The following HIBADH variants were observed in gnomAD, a reference collection of about 807,000 sequenced individuals.
HIBADH encodes 3-hydroxyisobutyrate dehydrogenase, also known as 3-hydroxyisobutyrate dehydrogenase, mitochondrial.
A neutral mutation model predicts 36.1 loss-of-function variants in HIBADH; 25 were observed. The observed-to-expected ratio is 0.69, with a 90% CI of 0.50 to 0.97. The LOEUF is 0.97. HIBADH is among the 50% of genes least tolerant of loss of function. HIBADH has a pLI of 0.00. For missense variants in HIBADH, 421 were observed against 418.0 expected, an observed-to-expected ratio of 1.01 and a Z score of -0.06; for synonymous variants, 160 against 149.5, an observed-to-expected ratio of 1.07 and a Z score of -0.51.
At chr7:27,596,208 G>A (rs1785029631) in intron 4 of HIBADH, among the ~76,000 whole-genome samples, 1 of 152,158 alleles carries the variant, frequency 6.6e-6, no homozygotes, top group Admixed American at 6.5e-5. Flanking sequence ...TGTGTCCTCT[G>A]GAGGGGAGGC....
chr7:27,636,308 G>A (rs1041864731), intron 2 of HIBADH, among the ~76,000 whole-genome samples: 1 of 152,200 alleles, frequency 6.6e-6, no homozygotes, highest in African/African-American at 2.4e-5. Context: ...ATGTGATCTT[G>A]TTAAACTTGC....
rs1254348821 is a variant in HIBADH, at chr7:27,573,521, C to T, written c.485-30421G>A. On this transcript the variant is annotated intron_variant, in intron 4 of 7. Coordinates refer to ENST00000265395, the MANE Select transcript of HIBADH (RefSeq NM_152740.4). The stretch of plus-strand genomic sequence containing the variant: ...ACCATGACTTATTCTAACAAAGTGG[C>T]TGATATATGCATTATTCTAAAAACA... 2.0e-5 allele frequency among the ~76,000 whole-genome samples: 3 copies of T among 152,264 alleles called. No homozygotes were observed. The South Asian group carries it at 6.2e-4, about 32-fold the overall frequency.
intron 4 of HIBADH, among the ~76,000 whole-genome samples, chr7:27,551,528 T>C (rs1784319910): frequency 6.6e-6 from 1 of 152,184 alleles, no homozygotes; most frequent in African/African-American, 2.4e-5. Context: ...AGAGCTGAAA[T>C]TTGGAATTTA....
intron 3 of HIBADH, among the ~76,000 whole-genome samples, chr7:27,631,759 C>T (rs1785750996): frequency 6.6e-6 from 1 of 152,274 alleles, no homozygotes; most frequent in South Asian, 2.1e-4. Flanking sequence ...TCCTACTGCT[C>T]AAGCAGTACA....
intron 4 of HIBADH, among the ~76,000 whole-genome samples, chr7:27,626,375 A>C (rs145596027): frequency 1.3e-5 from 2 of 152,226 alleles, no homozygotes; most frequent in Non-Finnish European, 2.9e-5. Flanking sequence ...GGTTCTTCAC[A>C]TTGGTTTCAG....
At chr7:27,583,753 A>T (rs1784823342) in intron 4 of HIBADH, among the ~76,000 whole-genome samples, 1 of 152,020 alleles carries the variant, frequency 6.6e-6, no homozygotes, top group South Asian at 2.1e-4. Context: ...TATACTCTTT[A>T]AATATTTTTG....
chr7:27,643,295 A>G (rs988389613), intron 2 of HIBADH, among the ~76,000 whole-genome samples: 3 of 152,330 alleles, frequency 2.0e-5, no homozygotes, highest in Admixed American at 1.3e-4. Flanking sequence ...ACTTTTCTTC[A>G]CAAAAAAGGA....
At chr7:27,542,472 G>A (rs1466209308) in intron 5 of HIBADH, among the ~76,000 whole-genome samples, 2 of 93,492 alleles carry the variant, frequency 2.1e-5, no homozygotes, top group Admixed American at 1.6e-4. Flanking sequence ...TTTGAGATAG[G>A]TTCTTGCTCT....
chr7:27,617,230 C>A (rs1785447366), intron 4 of HIBADH, among the ~76,000 whole-genome samples: 2 of 152,102 alleles, frequency 1.3e-5, no homozygotes, highest in Non-Finnish European at 2.9e-5. Flanking sequence ...CAAATACTTA[C>A]CATTGTGTTA....
At chr7:27,639,877 A>G (rs1785929316) in intron 2 of HIBADH, among the ~76,000 whole-genome samples, 1 of 152,232 alleles carries the variant, frequency 6.6e-6, no homozygotes, top group Admixed American at 6.5e-5. Flanking sequence ...CCTGTAAAAC[A>G]TATTAAACTT....
chr7:27,569,902 G>C (rs1000673850), intron 4 of HIBADH, among the ~76,000 whole-genome samples: 4 of 152,200 alleles, frequency 2.6e-5, no homozygotes, highest in Non-Finnish European at 5.9e-5. Flanking sequence ...CAGAAGAGAG[G>C]ATCATATGGC....
chr7:27,538,189 A>C, intron 6 of HIBADH, 152 bp downstream of exon 6: 2 of 634,224 alleles, frequency 3.2e-6, no homozygotes, highest in South Asian at 4.0e-5. Context: ...TTGTCCAATA[A>C]GCAAAGTCTA....
intron 2 of HIBADH, among the ~76,000 whole-genome samples, chr7:27,643,890 CTG>C (rs1217942477): frequency 6.6e-6 from 1 of 152,188 alleles, no homozygotes; most frequent in African/African-American, 2.4e-5. Context: ...CTCTGTGTCT[CTG>C]TGTCTTCTTT....
At chr7:27,569,098 T>TC (rs1285140393) in intron 4 of HIBADH, among the ~76,000 whole-genome samples, 1 of 152,124 alleles carries the variant, frequency 6.6e-6, no homozygotes, top group Non-Finnish European at 1.5e-5. Flanking sequence ...ATCCACTGAC[T>TC]CTTTTCTTTG....
At chr7:27,573,952 A>C (rs1013258246) in intron 4 of HIBADH, among the ~76,000 whole-genome samples, 4 of 152,196 alleles carry the variant, frequency 2.6e-5, no homozygotes, top group African/African-American at 9.6e-5. Context: ...CTACTAAAAA[A>C]TTTTAAATTA....
intron 2 of HIBADH, among the ~76,000 whole-genome samples, chr7:27,646,210 CA>C (rs1254827503): frequency 6.6e-6 from 1 of 152,174 alleles, no homozygotes; most frequent in Non-Finnish European, 1.5e-5. Flanking sequence ...GACCAATGAT[CA>C]GTGGCTTGAC....
intron 1 of HIBADH, among the ~76,000 whole-genome samples, chr7:27,655,378 G>A (rs1258079800): frequency 2.0e-5 from 3 of 152,160 alleles, no homozygotes; most frequent in Non-Finnish European, 4.4e-5. Context: ...GGGTTAAAGT[G>A]TCATGTCAGC....
chr7:27,605,717 A>G (rs1785212893), intron 4 of HIBADH, among the ~76,000 whole-genome samples: 1 of 152,018 alleles, frequency 6.6e-6, no homozygotes, highest in Non-Finnish European at 1.5e-5. Flanking sequence ...CTAAAAACAA[A>G]TATTTAGAGT....
intron 4 of HIBADH, among the ~76,000 whole-genome samples, chr7:27,628,988 G>GCTT (rs1314038752): frequency 6.6e-6 from 1 of 151,990 alleles, no homozygotes; most frequent in Non-Finnish European, 1.5e-5. Context: ...CTGAGCCAAT[G>GCTT]CTTCCCTTGT....
Sources: allele counts gnomAD v4.1 joint callset (sites outside exome capture counted in the v4.1 genomes callset), GRCh38; gene constraint gnomAD v4.1.1; transcripts MANE v1.5; gene names NCBI Gene and HGNC (gene_info 2026-07-23, HGNC 2026-07-21).